Variants in LRRC37A2 observed in about 807,000 individuals in gnomAD.
LRRC37A2 encodes the protein leucine rich repeat containing 37 member A2, also known as leucine-rich repeat-containing protein 37A2.
In LRRC37A2, 9 loss-of-function variants were observed where a neutral mutation model predicts 68.8. That is an observed-to-expected ratio of 0.13 (90% CI 0.08 to 0.23). The LOEUF is 0.23. Ranked by LOEUF, LRRC37A2 falls within the 10% of genes least tolerant of loss-of-function variation. LRRC37A2 has a pLI of 1.00. For missense variants in LRRC37A2, 168 were observed against 950.4 expected (o/e 0.18, Z 10.82); for synonymous variants, 63 against 367.6 (o/e 0.17, Z 9.48).
At chr17:46,609,824 TTTC>T in the LRRC37A2 span, among the ~76,000 whole-genome samples, 1 of 132,686 alleles carries the variant, frequency 7.5e-6, no homozygotes, top group East Asian at 2.4e-4. Flanking sequence ...TGTCTCACTG[TTTC>T]TTTTTTTTTT....
the LRRC37A2 span, among the ~76,000 whole-genome samples, chr17:46,987,330 A>AGTC: frequency 6.6e-6 from 1 of 152,224 alleles, no homozygotes; most frequent in East Asian, 1.9e-4. Flanking sequence ...AGAGATGGCT[A>AGTC]AAGAGGCATG....
the LRRC37A2 span, among the ~76,000 whole-genome samples, chr17:46,599,029 T>A: frequency 1.1e-5 from 1 of 90,314 alleles, no homozygotes; most frequent in Non-Finnish European, 2.2e-5. Context: ...TTAGATAGCT[T>A]CTTCTTTCTG....
chr17:46,788,731 G>T, the LRRC37A2 span, among the ~76,000 whole-genome samples: 1 of 151,732 alleles, frequency 6.6e-6, no homozygotes. Flanking sequence ...AGCAGGTGCA[G>T]TGGCCCTGCG....
At chr17:46,804,325 G>A in the LRRC37A2 span, among the ~76,000 whole-genome samples, 5 of 152,184 alleles carry the variant, frequency 3.3e-5, no homozygotes, top group African/African-American at 1.2e-4. Context: ...GACCTCAAGT[G>A]ATCTGCCTGC....
the LRRC37A2 span, among the ~76,000 whole-genome samples, chr17:46,745,470 A>G: frequency 5.9e-5 from 9 of 152,358 alleles, no homozygotes; most frequent in African/African-American, 2.2e-4. Context: ...TGGTTGCTCT[A>G]CATTTCCCAA....
chr17:46,978,508 C>T, the LRRC37A2 span: 1 of 1,067,758 alleles, frequency 9.4e-7, no homozygotes, highest in Non-Finnish European at 1.3e-6. Context: ...GACAGTCTCG[C>T]CGCGTCCCCG....
chr17:46,779,368 C>T, the LRRC37A2 span, among the ~76,000 whole-genome samples: 5 of 152,130 alleles, frequency 3.3e-5, no homozygotes, highest in Non-Finnish European at 7.4e-5. Context: ...AGGGGGAGGG[C>T]GGAGGACCCT....
the LRRC37A2 span, chr17:46,885,876 C>G: frequency 2.4e-4 from 36 of 152,522 alleles, no homozygotes; most frequent in Admixed American, 7.9e-4. Context: ...CCCTGGCTTC[C>G]CCTTCCCAAC....
the LRRC37A2 span, chr17:46,978,573 G>T: frequency 5.3e-6 from 8 of 1,506,250 alleles, no homozygotes; most frequent in Non-Finnish European, 7.1e-6. Context: ...AGAGCGCAGA[G>T]AGCGGGGCGA....
At chr17:46,734,928 G>A in the LRRC37A2 span, among the ~76,000 whole-genome samples, 2 of 152,098 alleles carry the variant, frequency 1.3e-5, no homozygotes, top group Non-Finnish European at 2.9e-5. Context: ...GTGAGCATCC[G>A]TAGACCCAGC....
the LRRC37A2 span, among the ~76,000 whole-genome samples, chr17:46,385,256 C>A: frequency 1.3e-5 from 1 of 75,414 alleles, no homozygotes; most frequent in Non-Finnish European, 3.0e-5. Context: ...TATTATGATT[C>A]TTGAATGGTT....
the LRRC37A2 span, among the ~76,000 whole-genome samples, chr17:46,854,358 T>G: frequency 6.6e-6 from 1 of 152,218 alleles, no homozygotes; most frequent in Non-Finnish European, 1.5e-5. Context: ...TAACACAAAG[T>G]GCTTTGGCAT....
At chr17:46,865,555 C>T in the LRRC37A2 span, among the ~76,000 whole-genome samples, 7 of 152,078 alleles carry the variant, frequency 4.6e-5, no homozygotes, top group East Asian at 1.2e-3. Context: ...GGGAGCCAGA[C>T]AGGAGGAACG....
chr17:46,499,504 G>A, the LRRC37A2 span, among the ~76,000 whole-genome samples: 1 of 145,446 alleles, frequency 6.9e-6, no homozygotes, highest in Non-Finnish European at 1.5e-5. Context: ...GCCCTCAGCA[G>A]GTAGTTTTGT....
At chr17:46,976,857 A>G in the LRRC37A2 span, among the ~76,000 whole-genome samples, 1 of 152,206 alleles carries the variant, frequency 6.6e-6, no homozygotes, top group Non-Finnish European at 1.5e-5. Context: ...GAGTCACTGA[A>G]GGCTGCTGTC....
the LRRC37A2 span, chr17:46,941,690 C>A: frequency 6.3e-6 from 1 of 159,942 alleles, no homozygotes; most frequent in Non-Finnish European, 1.3e-5. Context: ...CCTCATACCT[C>A]AGCCTCCTGA....
the LRRC37A2 span, among the ~76,000 whole-genome samples, chr17:46,805,442 G>A: frequency 6.0e-3 from 919 of 151,938 alleles, 3 homozygotes; most frequent in Middle Eastern, 0.038. Context: ...GTGTGGTGGC[G>A]GGCGCCTATA....
the LRRC37A2 span, among the ~76,000 whole-genome samples, chr17:47,028,782 GT>G: frequency 4.7e-3 from 714 of 151,334 alleles, no homozygotes; most frequent in Non-Finnish European, 7.0e-3. Flanking sequence ...TGGTGGTGCA[GT>G]TTTTTGCTCC....
chr17:46,899,502 A>G, the LRRC37A2 span, among the ~76,000 whole-genome samples: 1 of 152,240 alleles, frequency 6.6e-6, no homozygotes, highest in Non-Finnish European at 1.5e-5. Flanking sequence ...GCTAAGTGAA[A>G]GAAGCCAGAC....
Sources: gnomAD v4.1 joint callset for allele counts (sites outside exome capture counted in the v4.1 genomes callset) on GRCh38, gnomAD v4.1.1 for gene constraint, MANE v1.5 for transcripts, NCBI Gene and HGNC (gene_info 2026-07-23, HGNC 2026-07-21) for gene names.